The following STK39 variants were observed in gnomAD, a reference collection of about 807,000 sequenced individuals.
STK39 encodes serine/threonine kinase 39, also known as STE20/SPS1-related proline-alanine-rich protein kinase.
Under a neutral mutation model 77.8 loss-of-function variants are expected in STK39, and 20 were observed. The ratio of observed to expected loss-of-function variants is 0.26; its 90% CI spans 0.18 to 0.37. The LOEUF is 0.37. Ranked by LOEUF, STK39 falls within the 10% of genes least tolerant of loss-of-function variation. STK39 has a pLI of 1.00. For missense variants in STK39, 479 were observed against 656.5 expected, an observed-to-expected ratio of 0.73 and a Z score of 2.95; for synonymous variants, 246 against 234.1, an observed-to-expected ratio of 1.05 and a Z score of -0.47.
chr2:168,023,722 A>G (rs1684629004), intron 14 of STK39, among the ~76,000 whole-genome samples: 1 of 152,182 alleles, frequency 6.6e-6, no homozygotes, highest in African/African-American at 2.4e-5. Context: ...GTCAAAGAGC[A>G]TCAGAAACAG....
chr2:167,956,157 G>T lies in STK39; in HGVS notation c.1564-587C>A, dbSNP rs183568002. On this transcript the variant is annotated intron_variant, in intron 17 of 17. Coordinates refer to ENST00000355999, the MANE Select transcript of STK39 (RefSeq NM_013233.3). ...ATTATAACAATTCTTTTCTATAAAA[G>T]AATTTTGTTTATATTTTCAGACATA... is the stretch of plus-strand genomic sequence containing the variant. Among the ~76,000 whole-genome samples the T allele has an allele frequency of 3.9e-5, 6 of 152,296 alleles. No individual in the cohort carries two copies. In the East Asian group the frequency reaches 9.7e-4, roughly 25 times the overall value.
At chr2:168,137,690 G>T (rs1687874661) in intron 8 of STK39, among the ~76,000 whole-genome samples, 2 of 152,222 alleles carry the variant, frequency 1.3e-5, no homozygotes, top group Admixed American at 1.3e-4. Context: ...GCTCTGCCTA[G>T]TTTAGACTGG....
intron 5 of STK39, among the ~76,000 whole-genome samples, chr2:168,156,847 C>T (rs1264902305): frequency 6.6e-6 from 1 of 152,176 alleles, no homozygotes; most frequent in Non-Finnish European, 1.5e-5. Context: ...GGGCTTTCAG[C>T]GCTTTCCCAC....
At chr2:168,213,925 G>A (rs1689958510) in intron 1 of STK39, among the ~76,000 whole-genome samples, 1 of 152,256 alleles carries the variant, frequency 6.6e-6, no homozygotes, top group African/African-American at 2.4e-5. Flanking sequence ...CAAAGGCTAA[G>A]TAGTTCAATT....
intron 1 of STK39, among the ~76,000 whole-genome samples, chr2:168,229,245 G>A (rs998191211): frequency 6.6e-6 from 1 of 151,980 alleles, no homozygotes; most frequent in Non-Finnish European, 1.5e-5. Context: ...TTAGCCAGGT[G>A]TAGTGGCAGG....
intron 10 of STK39, among the ~76,000 whole-genome samples, chr2:168,093,685 G>A (rs905236802): frequency 6.6e-6 from 1 of 152,096 alleles, no homozygotes; most frequent in Non-Finnish European, 1.5e-5. Context: ...AGCACAGTCT[G>A]CCAACTACCA....
chr2:167,987,690 C>T (rs1175855205), intron 16 of STK39, among the ~76,000 whole-genome samples: 1 of 152,120 alleles, frequency 6.6e-6, no homozygotes, highest in Non-Finnish European at 1.5e-5. Flanking sequence ...CAGGCCTGTA[C>T]TAAGCCACCC....
intron 14 of STK39, among the ~76,000 whole-genome samples, chr2:168,038,242 A>AT: frequency 6.6e-6 from 1 of 152,034 alleles, no homozygotes. Flanking sequence ...CTCTGAGTTT[A>AT]TTTTTTGCAT....
chr2:168,232,400 C>T (rs1036643426), intron 1 of STK39, among the ~76,000 whole-genome samples: 2 of 152,126 alleles, frequency 1.3e-5, no homozygotes, highest in Non-Finnish European at 1.5e-5. Flanking sequence ...TTCCAGGTAG[C>T]TCCAAAAGAC....
At chr2:168,156,525 C>T (rs1023735835) in intron 5 of STK39, among the ~76,000 whole-genome samples, 1 of 152,134 alleles carries the variant, frequency 6.6e-6, no homozygotes, top group African/African-American at 2.4e-5. Context: ...GTGCCTAAGG[C>T]CTCGCACCTC....
chr2:168,154,213 A>C (rs1688367619), intron 5 of STK39, among the ~76,000 whole-genome samples: 1 of 152,210 alleles, frequency 6.6e-6, no homozygotes, highest in South Asian at 2.1e-4. Context: ...TTCTCCCACT[A>C]AAAGAACTGG....
intron 1 of STK39, among the ~76,000 whole-genome samples, chr2:168,210,164 T>C (rs921314976): frequency 6.6e-6 from 1 of 152,174 alleles, no homozygotes; most frequent in Non-Finnish European, 1.5e-5. Flanking sequence ...CATCCATTGA[T>C]AAAATAGGCA....
intron 1 of STK39, among the ~76,000 whole-genome samples, chr2:168,190,987 G>A (rs910304720): frequency 7.9e-5 from 12 of 152,188 alleles, no homozygotes; most frequent in Non-Finnish European, 1.5e-4. Context: ...CACTGGCAAG[G>A]CCAAAAGGTA....
chr2:167,982,154 T>C (rs569286071), intron 16 of STK39, among the ~76,000 whole-genome samples: 47 of 152,370 alleles, frequency 3.1e-4, no homozygotes, highest in African/African-American at 1.1e-3. Context: ...ACATTCTTGT[T>C]ATAGGCGTCC....
Position 168,163,797 on chromosome 2 carries a change from T to C in STK39, c.514A>G (p.Ile172Val), listed in dbSNP as rs200424635. ...GVLEEAIIATILKEVLEGLDY... is the reference protein window; with the variant it reads ...GVLEEAIIATVLKEVLEGLDY... ...AAGCCTTCCAAAACCTCTTTAAGAA[T>C]TGTTGCTATTATTGCCTCTTCCAGA... is the stretch of plus-strand genomic sequence containing the variant. Residue 172 changes from isoleucine to valine, a missense_variant, in exon 4 of 18, where the codon ATT becomes GTT. Transcript: ENST00000355999. 6.8e-6 allele frequency: 11 copies of C among 1,614,022 alleles called. No individual in the cohort carries two copies. The South Asian group carries it at 7.7e-5, about 11-fold the overall frequency.
At chr2:168,122,281 C>A (rs867119524) in intron 10 of STK39, among the ~76,000 whole-genome samples, 43 of 152,186 alleles carry the variant, frequency 2.8e-4, no homozygotes, top group African/African-American at 7.2e-4. Context: ...TGAGAACATG[C>A]GGCATTTGGT....
chr2:168,109,457 C>A (rs1392307750), intron 10 of STK39, among the ~76,000 whole-genome samples: 1 of 152,164 alleles, frequency 6.6e-6, no homozygotes, highest in East Asian at 1.9e-4. Context: ...TGTGGATAGA[C>A]AGCATTTACT....
intron 10 of STK39, among the ~76,000 whole-genome samples, chr2:168,109,767 T>C (rs890042204): frequency 1.3e-5 from 2 of 152,214 alleles, no homozygotes; most frequent in Admixed American, 1.3e-4. Flanking sequence ...CAATTAGGGG[T>C]AAAATGGAAC....
intron 10 of STK39, among the ~76,000 whole-genome samples, chr2:168,100,562 C>A (rs1240359949): frequency 6.6e-6 from 1 of 152,138 alleles, no homozygotes; most frequent in Admixed American, 6.5e-5. Context: ...CCTCACTCAG[C>A]CTTTTCATTT....
Sources: gnomAD v4.1 joint callset for allele counts (sites outside exome capture counted in the v4.1 genomes callset) on GRCh38, gnomAD v4.1.1 for gene constraint, MANE v1.5 for transcripts, NCBI Gene and HGNC (gene_info 2026-07-23, HGNC 2026-07-21) for gene names.